B4GALNT2: variants seen among roughly 807,000 people sequenced by gnomAD.
B4GALNT2 encodes the protein beta-1,4-N-acetyl-galactosaminyltransferase 2 (SID blood group), also known as N-acetylneuraminylgalactosylglucosyl-glucoside beta-1,4-N- acetylgalactosaminyltransferase 2.
Under a neutral mutation model 51.1 loss-of-function variants are expected in B4GALNT2, and 42 were observed. The ratio of observed to expected loss-of-function variants is 0.82; its 90% confidence interval spans 0.64 to 1.06. The LOEUF (loss-of-function observed/expected upper bound fraction) is 1.06, where lower values mean the gene tolerates loss of function less well. B4GALNT2 is among the 50% of genes least tolerant of loss of function. B4GALNT2 has a pLI of 0.00. For missense variants in B4GALNT2, 602 were observed against 633.6 expected, an observed-to-expected ratio of 0.95 and a Z score of 0.54; for synonymous variants, 253 against 251.7, an observed-to-expected ratio of 1.01 and a Z score of -0.05.
chr17:49,128,070 G>T (rs1301411990), upstream of B4GALNT2, among the ~76,000 whole-genome samples: 1 of 152,098 alleles, frequency 6.6e-6, no homozygotes, highest in East Asian at 1.9e-4. Context: ...CAGGGGTGAG[G>T]GTGAAGGTTA....
chr17:49,124,365 A>C, the B4GALNT2 span, among the ~76,000 whole-genome samples: 1 of 152,346 alleles, frequency 6.6e-6, no homozygotes, highest in South Asian at 2.1e-4. Context: ...TTATAAGACT[A>C]CCTTCTAAAG....
At chr17:49,161,752 GA>G (rs1476649215) in intron 7 of B4GALNT2, among the ~76,000 whole-genome samples, 1 of 151,416 alleles carries the variant, frequency 6.6e-6, no homozygotes, top group East Asian at 2.0e-4. Context: ...AGCTACTGGG[GA>G]GGCTGAGGCA....
intron 1 of B4GALNT2, chr17:49,133,370 G>A: frequency 2.5e-6 from 2 of 805,588 alleles, no homozygotes; most frequent in Non-Finnish European, 3.5e-6. Flanking sequence ...GCGGTTGTGT[G>A]GCCCCGCGTG....
upstream of B4GALNT2, chr17:49,132,583 G>C (rs1188744285): frequency 4.5e-6 from 2 of 448,808 alleles, no homozygotes; most frequent in Non-Finnish European, 7.5e-6. Flanking sequence ...AGAGAAGCCC[G>C]ATCACCGGCA....
At chr17:49,168,641 G>T in intron 9 of B4GALNT2, 40 bp from the exon 10 acceptor site, 1 of 1,579,212 alleles carries the variant, frequency 6.3e-7, no homozygotes, top group Middle Eastern at 1.7e-4. Flanking sequence ...GATGAATATT[G>T]ATCTGCACTC....
chr17:49,150,425 C>T (rs1172269775), intron 3 of B4GALNT2, among the ~76,000 whole-genome samples: 1 of 152,144 alleles, frequency 6.6e-6, no homozygotes, highest in African/African-American at 2.4e-5. Flanking sequence ...GGAGGTGTAC[C>T]CAACAGCTCA....
At chr17:49,161,647 T>C (rs1441884544) in intron 7 of B4GALNT2, among the ~76,000 whole-genome samples, 6 of 151,020 alleles carry the variant, frequency 4.0e-5, no homozygotes, top group Non-Finnish European at 7.4e-5. Context: ...TAAATTCAAA[T>C]TGATCAGATA....
At chr17:49,133,868 C>T (rs532360178) in intron 1 of B4GALNT2, among the ~76,000 whole-genome samples, 6 of 152,284 alleles carry the variant, frequency 3.9e-5, no homozygotes, top group Admixed American at 3.3e-4. Flanking sequence ...GCCGAGATTG[C>T]TCCATTGCAC....
rs921611316 is a variant in B4GALNT2 at position 49,173,595 on chromosome 17, A to G, written c.*3867A>G. The G allele has an allele frequency of 6.6e-6, 1 of 152,236 alleles. No homozygotes were observed. The highest frequency in any genetic ancestry group is 6.5e-5 in the Admixed American group (1 of 15,288). 9.4% of individuals were successfully genotyped at this position (152,236 alleles called of 1,614,324 possible). On this transcript the variant is annotated 3_prime_UTR_variant, in exon 11 of 11. Transcript: ENST00000393354. The stretch of plus-strand genomic sequence containing the variant: ...CTAAATGGGTTTGCCAGGTAAGACT[A>G]TTTATAAAAGCTTGCTCTATTTGTG...
At position 49,174,993 on chromosome 17, in the gene B4GALNT2, T is replaced by G. The variant is rs531921837; in HGVS notation, c.*5265T>G. ...TTGTAACAAATCTCTTTCCCATAAATGTATAGGTACAGAAGTTATAATTGG... is the reference window on the plus strand; with the variant it reads ...TTGTAACAAATCTCTTTCCCATAAAGGTATAGGTACAGAAGTTATAATTGG... On this transcript the variant is annotated 3_prime_UTR_variant, in exon 11 of 11. Coordinates refer to ENST00000393354, the MANE Select transcript of B4GALNT2 (RefSeq NM_001159387.2). The G allele has an allele frequency of 6.6e-6, 1 of 152,192 alleles. No homozygotes were observed. Among genetic ancestry groups the G allele is most frequent in the South Asian group, 2.1e-4 (1 of 4,832 alleles). The allele number at this position is 152,192 out of a possible 1,614,324, so 9.4% of individuals were successfully genotyped here.
Position 49,155,883 on chromosome 17 carries a change from C to T in B4GALNT2, c.461-683C>T, listed in dbSNP as rs866679441. 1.1e-4 allele frequency among the ~76,000 whole-genome samples: 16 copies of T among 151,630 alleles called. 1 individual carries two copies. The highest frequency in any genetic ancestry group is 2.4e-4 in the African/African-American group (10 of 41,316). ...GACTACAGGCACCCGCCACCATGCCCGGCCAATTTTTTTTTGTGTGTTTTT... is the reference window on the plus strand; with the variant it reads ...GACTACAGGCACCCGCCACCATGCCTGGCCAATTTTTTTTTGTGTGTTTTT... On this transcript the variant is annotated intron_variant, in intron 4 of 10. Coordinates refer to ENST00000393354, the MANE Select transcript of B4GALNT2 (RefSeq NM_001159387.2).
At chr17:49,140,758 C>G (rs553072311) in intron 1 of B4GALNT2, among the ~76,000 whole-genome samples, 1 of 124,642 alleles carries the variant, frequency 8.0e-6, no homozygotes. Flanking sequence ...CTCGCTCTGT[C>G]GCCAGGCTGG....
At chr17:49,162,158 A>T (rs2144331453) in intron 7 of B4GALNT2, among the ~76,000 whole-genome samples, 1 of 151,824 alleles carries the variant, frequency 6.6e-6, no homozygotes, top group African/African-American at 2.4e-5. Flanking sequence ...CGGCTAATCA[A>T]ATTAGCAAAT....
intron 1 of B4GALNT2, among the ~76,000 whole-genome samples, chr17:49,135,248 T>C (rs1407180079): frequency 6.6e-6 from 1 of 152,254 alleles, no homozygotes; most frequent in Non-Finnish European, 1.5e-5. Flanking sequence ...TTCGGTTTGT[T>C]CCATTCACTT....
the B4GALNT2 span, among the ~76,000 whole-genome samples, chr17:49,121,795 T>A: frequency 2.0e-5 from 3 of 152,180 alleles, no homozygotes; most frequent in Admixed American, 2.0e-4. Context: ...TGCAGTGTGA[T>A]GCACACAGGC....
intron 1 of B4GALNT2, chr17:49,133,074 T>C: frequency 6.6e-7 from 1 of 1,504,998 alleles, no homozygotes; most frequent in South Asian, 1.3e-5. Flanking sequence ...GGAAGTGGCC[T>C]CTCGCGGCCG....
the B4GALNT2 span, among the ~76,000 whole-genome samples, chr17:49,120,484 C>CTGTGTGTGTGTGTGTG: frequency 6.9e-6 from 1 of 144,066 alleles, no homozygotes; most frequent in Admixed American, 6.9e-5. Context: ...GTGTGTGTGT[C>CTGTGTGTGTGTGTGTG]TGTGTGTGTG....
chr17:49,162,364 C>T (rs2042872790), intron 7 of B4GALNT2, among the ~76,000 whole-genome samples: 1 of 152,144 alleles, frequency 6.6e-6, no homozygotes, highest in Non-Finnish European at 1.5e-5. Flanking sequence ...TGCCCACTCT[C>T]ACACTGAGAA....
intron 2 of B4GALNT2, 25 bp downstream of exon 2, chr17:49,141,472 T>C: frequency 6.9e-6 from 11 of 1,604,676 alleles, no homozygotes; most frequent in Non-Finnish European, 9.4e-6. Flanking sequence ...GTTCTTTCTT[T>C]CACCTTAATG....
Sources: allele counts gnomAD v4.1 joint callset (sites outside exome capture counted in the v4.1 genomes callset), GRCh38; gene constraint gnomAD v4.1.1; transcripts MANE v1.5; gene names NCBI Gene and HGNC (gene_info 2026-07-23, HGNC 2026-07-21).